The following MMS22L variants were observed in gnomAD, a reference collection of about 807,000 sequenced individuals.
MMS22L encodes protein MMS22-like.
Under a neutral mutation model 159.1 loss-of-function variants are expected in MMS22L, and 74 were observed. That is an observed-to-expected ratio of 0.47 (90% CI 0.39 to 0.56). The LOEUF (loss-of-function observed/expected upper bound fraction) is 0.56, where lower values mean the gene tolerates loss of function less well. Among genes scored for constraint, MMS22L ranks in the 20% least tolerant of loss-of-function variants. The pLI is 0.00. For missense variants in MMS22L, 1,351 were observed against 1,422.1 expected (o/e 0.95, Z 0.80); for synonymous variants, 517 against 506.9 (o/e 1.02, Z -0.27).
At chr6:97,261,662 G>A (rs1814498358) in intron 9 of MMS22L, 2 of 152,244 alleles carry the variant, frequency 1.3e-5, no homozygotes. Context: ...TGGGGGGACG[G>A]TCAGCATCCC....
At chr6:97,201,633 G>C (rs1807177812) in intron 14 of MMS22L, among the ~76,000 whole-genome samples, 1 of 152,216 alleles carries the variant, frequency 6.6e-6, no homozygotes, top group South Asian at 2.1e-4. Context: ...AACCGTGAAT[G>C]TAATTTATAT....
intron 6 of MMS22L, chr6:97,270,227 G>A: frequency 1.7e-6 from 1 of 601,900 alleles, no homozygotes; most frequent in South Asian, 1.6e-5. Flanking sequence ...CCTTGGGGCT[G>A]CTGAATAGAC....
rs1800919365 is a variant in MMS22L at position 97,146,155 on chromosome 6, C to G, written c.*651G>C. 1 of 151,076 alleles carries G rather than the reference C, an allele frequency of 6.6e-6. No individual in the cohort carries two copies. Among genetic ancestry groups the G allele is most frequent in the Admixed American group, 6.6e-5 (1 of 15,168 alleles). 9.4% of individuals were successfully genotyped at this position (151,076 alleles called of 1,614,324 possible). ...TGAATAAAAAAAAAATTTGGCAACT[C>G]TTGGAACCTAAATATAAACCCTGTT... On this transcript the variant is annotated 3_prime_UTR_variant, in exon 25 of 25. Transcript: ENST00000683635.
In MMS22L at chr6:97,241,276, G is replaced by C. The variant is rs199813957; in HGVS notation, c.1182+5352C>G. On this transcript the variant is annotated intron_variant, in intron 11 of 24. Coordinates refer to ENST00000683635, the MANE Select transcript of MMS22L (RefSeq NM_001350599.2). ...ATTGTGCTGCTATAAACATGCATGTGCAAGTGTTTCATAATGCTTCTTTTC... is the reference window on the plus strand; with the variant it reads ...ATTGTGCTGCTATAAACATGCATGTCCAAGTGTTTCATAATGCTTCTTTTC... Among the ~76,000 whole-genome samples, 8 of 152,292 alleles carry C rather than the reference G, an allele frequency of 5.3e-5. No individual in the cohort carries two copies. In the East Asian group the frequency reaches 1.5e-3, roughly 29 times the overall value.
At chr6:97,250,677 G>A (rs905688818) in intron 10 of MMS22L, among the ~76,000 whole-genome samples, 1 of 152,098 alleles carries the variant, frequency 6.6e-6, no homozygotes, top group African/African-American at 2.4e-5. Flanking sequence ...AGCTTTGTGA[G>A]TTAAATCCAT....
chr6:97,186,779 T>C, intron 14 of MMS22L, 89 bp from the exon 15 acceptor site: 1 of 926,110 alleles, frequency 1.1e-6, no homozygotes, highest in Non-Finnish European at 1.5e-6. Flanking sequence ...TCCATTTATA[T>C]CATATGAGAA....
At chr6:97,278,960 C>G (rs1478428132) in intron 3 of MMS22L, 62 bp from the exon 4 acceptor site, 2 of 1,404,198 alleles carry the variant, frequency 1.4e-6, no homozygotes, top group East Asian at 2.3e-5. Flanking sequence ...GTAACAATTA[C>G]GTGGACAATG....
rs1800843464 is a variant in MMS22L at position 97,144,999 on chromosome 6, T to TAAA, written c.*1806_*1807insTTT. ...AGCAAGATTCTCAAAGGTATCTTTA[T>TAAA]CAATCTCCTTTGGAAAAAAAAAACC... On this transcript the variant is annotated 3_prime_UTR_variant, in exon 25 of 25. Coordinates refer to ENST00000683635, the MANE Select transcript of MMS22L (RefSeq NM_001350599.2). The TAAA allele has an allele frequency of 6.8e-6, 1 of 146,418 alleles. No individual in the cohort carries two copies. The highest frequency in any genetic ancestry group is 1.5e-5 in the Non-Finnish European group (1 of 67,134). The allele number at this position is 146,418 out of a possible 1,614,324, so 9.1% of individuals were successfully genotyped here. A position where few individuals can be genotyped will look rare whatever the true frequency, so the allele number is the denominator to read the frequency against.
chr6:97,197,707 C>CG (rs1340380382), intron 14 of MMS22L, among the ~76,000 whole-genome samples: 1 of 151,898 alleles, frequency 6.6e-6, no homozygotes, highest in East Asian at 1.9e-4. Context: ...GAGCTCAGGC[C>CG]GGGGGGCAGT....
At chr6:97,170,230 T>C (rs1469990060) in intron 19 of MMS22L, among the ~76,000 whole-genome samples, 1 of 152,150 alleles carries the variant, frequency 6.6e-6, no homozygotes, top group African/African-American at 2.4e-5. Context: ...AACTACTGTA[T>C]TTCATTTTCT....
rs370882315 is a variant in MMS22L, at chr6:97,145,010, T to C, written c.*1796A>G. ...CAAAGGTATCTTTATCAATCTCCTT[T>C]GGAAAAAAAAAACCCACACACACAC... On this transcript the variant is annotated 3_prime_UTR_variant, in exon 25 of 25. Transcript: ENST00000683635. 1.5e-5 allele frequency: 2 copies of C among 131,656 alleles called. No homozygotes were observed. The highest frequency in any genetic ancestry group is 2.1e-4 in the East Asian group (1 of 4,758). 8.2% of individuals were successfully genotyped at this position (131,656 alleles called of 1,614,324 possible).
chr6:97,162,569 T>C lies in MMS22L; in HGVS notation c.3222-404A>G, dbSNP rs180936900. Among the ~76,000 whole-genome samples, 17 of 152,038 alleles carry C rather than the reference T, an allele frequency of 1.1e-4. No homozygotes were observed. In the East Asian group the frequency reaches 2.3e-3, roughly 21 times the overall value. On this transcript the variant is annotated intron_variant, in intron 21 of 24. Transcript: ENST00000683635. ...TCAAATTTGCATAAAGAAATCTCTC[T>C]TCATATCTATTTATTTAAGGACTTG... is the stretch of plus-strand genomic sequence containing the variant.
At chr6:97,254,048 T>C (rs1201681048) in intron 10 of MMS22L, 2 of 152,586 alleles carry the variant, frequency 1.3e-5, no homozygotes, top group African/African-American at 4.8e-5. Flanking sequence ...ATTAATATAC[T>C]AGTTAAAATC....
intron 14 of MMS22L, among the ~76,000 whole-genome samples, chr6:97,202,065 A>G (rs1807228020): frequency 6.6e-6 from 1 of 152,156 alleles, no homozygotes; most frequent in Non-Finnish European, 1.5e-5. Flanking sequence ...CCAAGAGACC[A>G]CTGTATTCTT....
chr6:97,281,344 G>A lies in MMS22L; in HGVS notation c.183C>T (p.Asp61=), dbSNP rs779709085. The A allele has an allele frequency of 1.6e-5, 26 of 1,602,074 alleles. No homozygotes were observed. Among genetic ancestry groups the A allele is most frequent in the African/African-American group, 2.7e-5 (2 of 74,504 alleles). ...CTTCTTCAAAATTAGTTGGTAAAGG[G>A]TCAAGATTCAAAATCAATCTGAAAT... ...GALKRLILNL[D]PLPTNFEEDT... The change falls in exon 3 of 25, where the codon GAC becomes GAT. Residue 61 remains aspartate, a synonymous_variant. Transcript: ENST00000683635.
At chr6:97,269,741 A>G (rs559362972) in intron 7 of MMS22L, among the ~76,000 whole-genome samples, 161 bp downstream of exon 7, 2 of 152,298 alleles carry the variant, frequency 1.3e-5, no homozygotes, top group East Asian at 1.9e-4. Flanking sequence ...GCTGTTCCCA[A>G]TAGTTATCTC....
At chr6:97,178,236 G>A (rs994119285) in intron 18 of MMS22L, among the ~76,000 whole-genome samples, 24 of 152,062 alleles carry the variant, frequency 1.6e-4, no homozygotes, top group African/African-American at 5.8e-4. Flanking sequence ...CTTCATTAAT[G>A]TAATTTTTCT....
intron 14 of MMS22L, among the ~76,000 whole-genome samples, chr6:97,219,149 G>T (rs1809353952): frequency 6.6e-6 from 1 of 152,160 alleles, no homozygotes; most frequent in Non-Finnish European, 1.5e-5. Context: ...TTTGAGATAA[G>T]ATTTGAGTGG....
chr6:97,256,354 T>A (rs1225430679), intron 9 of MMS22L, among the ~76,000 whole-genome samples: 1 of 152,104 alleles, frequency 6.6e-6, no homozygotes, highest in East Asian at 1.9e-4. Context: ...GCTTTAGCCG[T>A]TTTTTAATTC....
Sources: allele counts gnomAD v4.1 joint callset (sites outside exome capture counted in the v4.1 genomes callset), GRCh38; gene constraint gnomAD v4.1.1; transcripts MANE v1.5; gene names NCBI Gene and HGNC (gene_info 2026-07-23, HGNC 2026-07-21).